Variants in PTPRQ observed in about 807,000 individuals in gnomAD.
The protein encoded by PTPRQ is protein tyrosine phosphatase receptor type Q, also known as phosphatidylinositol phosphatase PTPRQ.
A neutral mutation model predicts 246.0 loss-of-function variants in PTPRQ; 199 were observed. The observed-to-expected ratio is 0.81, with a 90% CI of 0.72 to 0.91. The LOEUF (loss-of-function observed/expected upper bound fraction) is 0.91, where lower values mean the gene tolerates loss of function less well. PTPRQ is among the 40% of genes least tolerant of loss of function. The probability of loss-of-function intolerance (pLI) is 0.00; values close to 1 mark genes in which losing one functional copy is unlikely to be tolerated. For synonymous variants in PTPRQ, 869 were observed against 853.2 expected (o/e 1.02, Z -0.32); for missense variants, 2,624 against 2,528.4 (o/e 1.04, Z -0.81).
chr12:80,558,534 A>G (rs922478157), intron 25 of PTPRQ, among the ~76,000 whole-genome samples: 2 of 147,618 alleles, frequency 1.4e-5, no homozygotes, highest in African/African-American at 5.1e-5. Context: ...TCACTAGTTG[A>G]AGGACATGTG....
At position 80,576,790 on chromosome 12, in the gene PTPRQ, G is replaced by A. The variant is rs115785992; in HGVS notation, c.4286-11339G>A. On this transcript the variant is annotated intron_variant, in intron 25 of 44. Transcript: ENST00000644991. ...ATGATTTCAATTACTTATAGATACA[G>A]GAATTCTCCCAAATTCCTTTACGTG... Among the ~76,000 whole-genome samples the A allele has an allele frequency of 5.9e-3, 901 of 152,110 alleles. 7 individuals carry two copies. Among genetic ancestry groups the A allele is most frequent in the African/African-American group, 0.021 (865 of 41,474 alleles).
At chr12:80,467,749 T>A (rs1893480691) in intron 6 of PTPRQ, among the ~76,000 whole-genome samples, 1 of 150,082 alleles carries the variant, frequency 6.7e-6, no homozygotes, top group African/African-American at 2.5e-5. Context: ...CAGTAAACTA[T>A]CACAAGAACA....
chr12:80,507,418 G>C (rs1338661419), intron 16 of PTPRQ, among the ~76,000 whole-genome samples: 1 of 151,880 alleles, frequency 6.6e-6, no homozygotes, highest in South Asian at 2.1e-4. Context: ...TATCATACGT[G>C]TTTGTGGAGT....
intron 26 of PTPRQ, among the ~76,000 whole-genome samples, chr12:80,590,195 C>T (rs1251330978): frequency 1.3e-5 from 2 of 152,130 alleles, no homozygotes; most frequent in African/African-American, 4.8e-5. Flanking sequence ...TCCTTTCCTC[C>T]TCAATCCTGC....
intron 35 of PTPRQ, among the ~76,000 whole-genome samples, chr12:80,638,692 C>T (rs1023627304): frequency 6.6e-6 from 1 of 152,072 alleles, no homozygotes; most frequent in African/African-American, 2.4e-5. Context: ...AATGCCTTCT[C>T]TCACTCTATC....
At chr12:80,651,536 G>A (rs1263519829) in intron 37 of PTPRQ, among the ~76,000 whole-genome samples, 4 of 151,990 alleles carry the variant, frequency 2.6e-5, no homozygotes, top group African/African-American at 7.2e-5. Flanking sequence ...AAAGCAATAG[G>A]AGAAAGAGCT....
Position 80,622,044 on chromosome 12 carries a change from CTTTTT to C in PTPRQ, c.5613-14_5613-10del, listed in dbSNP as rs762085319. ...CATGATATGCAAAGTGTTGATTTTT[CTTTTT>C]TTATTTTATAGATTTAAATTTAGAG... is the stretch of plus-strand genomic sequence containing the variant. On this transcript the variant is annotated splice_polypyrimidine_tract_variant and intron_variant, in intron 32 of 44. Transcript: ENST00000644991. The C allele has an allele frequency of 8.2e-7, 1 of 1,221,464 alleles. No individual in the cohort carries two copies. The highest frequency in any genetic ancestry group is 1.1e-6 in the Non-Finnish European group (1 of 939,962). The allele number at this position is 1,221,464 out of a possible 1,614,324, so 75.7% of individuals were successfully genotyped here.
At chr12:80,535,250 C>A (rs1356560514) in intron 19 of PTPRQ, among the ~76,000 whole-genome samples, 1 of 151,622 alleles carries the variant, frequency 6.6e-6, no homozygotes, top group Non-Finnish European at 1.5e-5. Context: ...CACACACATA[C>A]AACTTCTATA....
At chr12:80,529,405 G>A (rs549319063) in intron 17 of PTPRQ, among the ~76,000 whole-genome samples, 68 of 152,182 alleles carry the variant, frequency 4.5e-4, no homozygotes, top group African/African-American at 1.5e-3. Context: ...TTATGCACAT[G>A]GAACAAAATA....
In PTPRQ at chr12:80,605,192, C is replaced by A; in HGVS notation, c.4731+12C>A. ...TTGATGTCAAATCGGTAAGGCATGT[C>A]TTACCTTCTGTAAAAGCCAGTATAA... On this transcript the variant is annotated intron_variant, in intron 27 of 44. Transcript: ENST00000644991. The A allele has an allele frequency of 1.3e-6, 2 of 1,538,672 alleles. No homozygotes were observed. Among genetic ancestry groups the A allele is most frequent in the Non-Finnish European group, 1.8e-6 (2 of 1,140,308 alleles).
intron 25 of PTPRQ, among the ~76,000 whole-genome samples, chr12:80,560,550 A>G (rs1251551840): frequency 2.0e-5 from 3 of 152,240 alleles, no homozygotes; most frequent in African/African-American, 2.4e-5. Flanking sequence ...CTGAAGGCCA[A>G]GAAAACATTT....
rs1443599911 is a variant in PTPRQ at position 80,670,340 on chromosome 12, C to CT, written c.6454-3dup. The CT allele has an allele frequency of 1.9e-6, 3 of 1,550,072 alleles. No homozygotes were observed. The highest frequency in any genetic ancestry group is 2.6e-6 in the Non-Finnish European group (3 of 1,146,168). ...GTCATTCATTAATCCGTCCCTTTGT[C>CT]TAGCATGGGGATTGCATGACTGTTC... On this transcript the variant is annotated splice_region_variant and splice_polypyrimidine_tract_variant and intron_variant, in intron 41 of 44. Transcript: ENST00000644991.
In PTPRQ at chr12:80,620,144, CT is replaced by C; in HGVS notation, c.5390-9del. ...CTTGGAATTATTGTTCTCTTTGTTT[CT>C]GAAAACAGCTCAGCATGATGGAAAT... On this transcript the variant is annotated splice_polypyrimidine_tract_variant and intron_variant, in intron 31 of 44. Transcript: ENST00000644991. 3 of 1,528,688 alleles carry C rather than the reference CT, an allele frequency of 2.0e-6. No individual in the cohort carries two copies. The highest frequency in any genetic ancestry group is 2.6e-6 in the Non-Finnish European group (3 of 1,137,928). The allele number at this position is 1,528,688 out of a possible 1,614,324, so 94.7% of individuals were successfully genotyped here. A position where few individuals can be genotyped will look rare whatever the true frequency, so the allele number is the denominator to read the frequency against.
At position 80,678,578 on chromosome 12, in the gene PTPRQ, A is replaced by C. The variant is rs769145284; in HGVS notation, c.6739-24A>C. Reference sequence around the variant, plus strand: ...AAACTCTTCATCAATATATTTGTTTAACCACTCTGTCTTTGGTGTCTAGGC... The same window carrying C: ...AAACTCTTCATCAATATATTTGTTTCACCACTCTGTCTTTGGTGTCTAGGC... On this transcript the variant is annotated intron_variant, in intron 43 of 44. Coordinates refer to ENST00000644991, the MANE Select transcript of PTPRQ (RefSeq NM_001145026.2). The C allele has an allele frequency of 2.9e-5, 45 of 1,529,678 alleles. 1 individual carries two copies. The South Asian group carries it at 5.2e-4, about 18-fold the overall frequency. 94.8% of individuals were successfully genotyped at this position (1,529,678 alleles called of 1,614,324 possible).
At chr12:80,445,458 G>T (rs1281439891) in intron 2 of PTPRQ, 33 bp from the exon 3 acceptor site, 1 of 1,279,284 alleles carries the variant, frequency 7.8e-7, no homozygotes, top group South Asian at 1.4e-5. Context: ...ATAATTATTT[G>T]ACCTTTTAAC....
Position 80,510,386 on chromosome 12 carries a change from C to A in PTPRQ, c.2621C>A (p.Ser874Ter), listed in dbSNP as rs948217913. ...TTGTCTGGTGTCACGGTGAAGTTGT[C>A]ATGGCAACCACCCCTGGAGCCAAAT... The part of the protein sequence containing the change: ...KQLSGVTVKL[S>*]WQPPLEPNGI... Residue 874 changes from serine (S) to a stop codon, truncating the protein, a stop_gained, in exon 17 of 45, where the codon TCA becomes TAA. Transcript: ENST00000644991. LOFTEE classifies it high-confidence loss of function. 5.2e-6 allele frequency: 8 copies of A among 1,550,496 alleles called. No homozygotes were observed. Among genetic ancestry groups the A allele is most frequent in the Admixed American group, 3.9e-5 (2 of 50,964 alleles).
At chr12:80,494,710 A>T (rs1894554601) in intron 10 of PTPRQ, among the ~76,000 whole-genome samples, 1 of 151,938 alleles carries the variant, frequency 6.6e-6, no homozygotes, top group Non-Finnish European at 1.5e-5. Flanking sequence ...TGTGGTTATT[A>T]TTGGGAGGTA....
rs1486134730 is a variant in PTPRQ at position 80,496,448 on chromosome 12, A to G, written c.2189A>G (p.Tyr730Cys). The G allele has an allele frequency of 1.9e-6, 3 of 1,550,802 alleles. No individual in the cohort carries two copies. The highest frequency in any genetic ancestry group is 2.6e-6 in the Non-Finnish European group (3 of 1,146,440). ...AGGAACTTAAGACCTCACACCCTCT[A>G]TAACATTTCTGTAAGGTCTTACACC... ...ILRNLRPHTL[Y>C]NISVRSYTRF... Residue 730 changes from tyrosine to cysteine, a missense_variant, in exon 14 of 45, where the codon TAT becomes TGT. By Grantham distance (194) the Tyr-to-Cys change is radical. Coordinates refer to ENST00000644991, the MANE Select transcript of PTPRQ (RefSeq NM_001145026.2).
At chr12:80,641,381 G>A (rs902539231) in intron 35 of PTPRQ, among the ~76,000 whole-genome samples, 1 of 152,108 alleles carries the variant, frequency 6.6e-6, no homozygotes, top group Non-Finnish European at 1.5e-5. Context: ...AAAATCACAC[G>A]CCTTACTAAA....
Sources: gnomAD v4.1 joint callset for allele counts (sites outside exome capture counted in the v4.1 genomes callset) on GRCh38, gnomAD v4.1.1 for gene constraint, MANE v1.5 for transcripts, NCBI Gene and HGNC (gene_info 2026-07-23, HGNC 2026-07-21) for gene names.